Variants in RSPH3 observed in about 807,000 individuals in gnomAD.
RSPH3 encodes radial spoke head protein 3 homolog.
In RSPH3, 21 loss-of-function variants were observed where a neutral mutation model predicts 43.8. The ratio of observed to expected loss-of-function variants is 0.48; its 90% CI spans 0.34 to 0.69. RSPH3 has a LOEUF of 0.69. Ranked by LOEUF, RSPH3 falls within the 30% of genes least tolerant of loss-of-function variation. RSPH3 has a pLI of 0.01. For synonymous variants in RSPH3, 173 were observed against 179.8 expected (o/e 0.96, Z 0.30); for missense variants, 487 against 516.0 (o/e 0.94, Z 0.54).
rs1272197830 is a variant in RSPH3, at chr6:158,976,323, C to G, written c.*1215G>C. On this transcript the variant is annotated 3_prime_UTR_variant, in exon 8 of 8. Transcript: ENST00000367069. Reference sequence around the variant, plus strand: ...GATTTTAATACTGCAGGTAAATTCTCTAACACATTCAGATTAAAAAGTCAA... The same window carrying G: ...GATTTTAATACTGCAGGTAAATTCTGTAACACATTCAGATTAAAAAGTCAA... 6.6e-6 allele frequency: 1 copy of G among 152,208 alleles called. No individual in the cohort carries two copies. Among genetic ancestry groups the G allele is most frequent in the Non-Finnish European group, 1.5e-5 (1 of 68,034 alleles). 9.4% of individuals were successfully genotyped at this position (152,208 alleles called of 1,614,324 possible). A position where few individuals can be genotyped will look rare whatever the true frequency, so the allele number is the denominator to read the frequency against.
rs1297607097 is a variant in RSPH3 at position 158,974,440 on chromosome 6, G to A, written c.*3098C>T. The A allele has an allele frequency of 1.3e-5, 2 of 152,150 alleles. No individual in the cohort carries two copies. Among genetic ancestry groups the A allele is most frequent in the Non-Finnish European group, 2.9e-5 (2 of 68,018 alleles). The allele number at this position is 152,150 out of a possible 1,614,324, so 9.4% of individuals were successfully genotyped here. Reference sequence around the variant, plus strand: ...TGTTCCCAAACCATTTGCAAAAGTTGCTTACAGTTATGAAAAGTCTTCTAG... The same window carrying A: ...TGTTCCCAAACCATTTGCAAAAGTTACTTACAGTTATGAAAAGTCTTCTAG... On this transcript the variant is annotated 3_prime_UTR_variant, in exon 8 of 8. Transcript: ENST00000367069.
At chr6:158,994,263 G>T (rs77724190) in intron 1 of RSPH3, among the ~76,000 whole-genome samples, 2,710 of 152,238 alleles carry the variant, frequency 0.018, 35 homozygotes, top group Middle Eastern at 0.024. Context: ...AAATCTGTAT[G>T]ACTTTAGGAA....
In RSPH3 at chr6:158,993,395, C is replaced by T. The variant is rs151094029; in HGVS notation, c.204+444G>A. 5.9e-3 allele frequency among the ~76,000 whole-genome samples: 871 copies of T among 147,736 alleles called. 6 individuals are homozygous for T. Among genetic ancestry groups the T allele is most frequent in the Middle Eastern group, 0.025 (7 of 276 alleles). ...CCTCCCAAAGTGCTGGGATTACAGG[C>T]GTGAGCCACCGCGCCCGGCCAACTG... On this transcript the variant is annotated intron_variant, in intron 2 of 7. Coordinates refer to ENST00000367069, the MANE Select transcript of RSPH3 (RefSeq NM_031924.8).
chr6:158,969,730 A>G (rs924686753), downstream of RSPH3, among the ~76,000 whole-genome samples: 1 of 152,148 alleles, frequency 6.6e-6, no homozygotes, highest in East Asian at 1.9e-4. Flanking sequence ...GATTATCTCA[A>G]TGGACTTAAC....
chr6:158,967,144 G>C, the RSPH3 span, among the ~76,000 whole-genome samples: 1 of 151,762 alleles, frequency 6.6e-6, no homozygotes, highest in Non-Finnish European at 1.5e-5. Context: ...TCAAGTAGTT[G>C]GTACTACATG....
chr6:158,991,591 T>C (rs1778407399), intron 2 of RSPH3, among the ~76,000 whole-genome samples: 1 of 152,178 alleles, frequency 6.6e-6, no homozygotes. Flanking sequence ...GGACTGCAAT[T>C]CAGCTACCCC....
At chr6:158,965,217 G>A in the RSPH3 span, among the ~76,000 whole-genome samples, 1 of 152,106 alleles carries the variant, frequency 6.6e-6, no homozygotes, top group African/African-American at 2.4e-5. Context: ...GTTGGGAAGT[G>A]TGAGTCCTAT....
At chr6:158,990,513 C>A (rs1778370947) in intron 2 of RSPH3, 1 of 152,128 alleles carries the variant, frequency 6.6e-6, no homozygotes, top group African/African-American at 2.4e-5. Context: ...AGAATTAGAG[C>A]TTGATAGTTC....
chr6:158,965,708 A>G, the RSPH3 span, among the ~76,000 whole-genome samples: 1 of 152,102 alleles, frequency 6.6e-6, no homozygotes, highest in African/African-American at 2.4e-5. Flanking sequence ...TTCTGCAACT[A>G]AAGATATTTT....
intron 3 of RSPH3, 63 bp from the exon 4 acceptor site, chr6:158,983,870 A>G (rs1778121015): frequency 8.3e-7 from 1 of 1,205,208 alleles, no homozygotes; most frequent in South Asian, 1.2e-5. Context: ...ATGGTAGTTC[A>G]TGCCCATAAT....
chr6:158,986,724 T>C (rs528574913), intron 2 of RSPH3, among the ~76,000 whole-genome samples: 1 of 152,378 alleles, frequency 6.6e-6, no homozygotes, highest in African/African-American at 2.4e-5. Context: ...GACCTGCTGA[T>C]CATTCAGGAA....
chr6:158,982,620 A>G lies in RSPH3; in HGVS notation c.561T>C (p.Ser187=). 1 of 1,614,048 alleles carries G rather than the reference A, an allele frequency of 6.2e-7. No individual in the cohort carries two copies. The highest frequency in any genetic ancestry group is 1.6e-4 in the Middle Eastern group (1 of 6,062). ...EVLVGKTIEQ[S]LLEVMEEEEL... The stretch of plus-strand genomic sequence containing the variant: ...CTTCTTCTTCCATTACTTCCAGAAG[A>G]GACTGCTCAATTGTCTTCCCCACCA... Residue 187 remains serine (S), a synonymous_variant, in exon 5 of 8, where the codon TCT becomes TCC. Coordinates refer to ENST00000367069, the MANE Select transcript of RSPH3 (RefSeq NM_031924.8).
rs1209626809 is a variant in RSPH3 at position 158,999,961 on chromosome 6, C to T, written c.-411G>A. 16 of 1,597,440 alleles carry T rather than the reference C, an allele frequency of 1.0e-5. No individual in the cohort carries two copies. The highest frequency in any genetic ancestry group is 1.4e-5 in the Non-Finnish European group (16 of 1,171,396). On this transcript the variant is annotated 5_prime_UTR_variant, in exon 1 of 8. Transcript: ENST00000367069. ...TTCCTGGCTAGGGAGGCGGCCTTGG[C>T]TGGCTTGACCGTCATCCTTGAGGCC...
At chr6:158,986,128 T>G in intron 3 of RSPH3, 152 bp downstream of exon 3, 1 of 776,078 alleles carries the variant, frequency 1.3e-6, no homozygotes, top group Non-Finnish European at 2.1e-6. Context: ...GTCTATGTAT[T>G]TCTTTAATAA....
chr6:158,999,559 G>C lies in RSPH3; in HGVS notation c.-9C>G. 6.2e-7 allele frequency: 1 copy of C among 1,606,568 alleles called. No individual in the cohort carries two copies. Among genetic ancestry groups the C allele is most frequent in the Non-Finnish European group, 8.5e-7 (1 of 1,174,716 alleles). On this transcript the variant is annotated 5_prime_UTR_variant, in exon 1 of 8. Transcript: ENST00000367069. ...GTCAGCGCTGAGGCCATGTCCGGGG[G>C]CTGACTGCCTCGCTTTCGGTGGAGC...
chr6:158,980,992 A>G (rs1271640285), intron 5 of RSPH3, 56 bp from the exon 6 acceptor site: 1 of 1,564,196 alleles, frequency 6.4e-7, no homozygotes, highest in Non-Finnish European at 8.8e-7. Context: ...CAAGTGCTGA[A>G]TCTAGTGAAG....
At position 159,000,179 on chromosome 6, in the gene RSPH3, C is replaced by T. The variant is rs1778825908; in HGVS notation, c.-629G>A. On this transcript the variant is annotated 5_prime_UTR_variant, in exon 1 of 8. Coordinates refer to ENST00000367069, the MANE Select transcript of RSPH3 (RefSeq NM_031924.8). ...GCCCCTGGCAGCCAGGCTCCCAGCT[C>T]TGTTACGTGCCCGGGCGGGGAAGAG... 3.6e-6 allele frequency: 2 copies of T among 559,712 alleles called. No homozygotes were observed. The highest frequency in any genetic ancestry group is 3.2e-5 in the East Asian group (1 of 31,048). 34.7% of individuals were successfully genotyped at this position (559,712 alleles called of 1,614,324 possible).
chr6:158,969,323 A>C (rs1280386463), downstream of RSPH3, among the ~76,000 whole-genome samples: 1 of 152,226 alleles, frequency 6.6e-6, no homozygotes, highest in Non-Finnish European at 1.5e-5. Flanking sequence ...AGCACTTTGA[A>C]TATATGATCC....
the RSPH3 span, among the ~76,000 whole-genome samples, chr6:158,966,991 A>C: frequency 2.0e-5 from 3 of 150,224 alleles, no homozygotes; most frequent in African/African-American, 7.3e-5. Flanking sequence ...CTTTAGATGC[A>C]TCCATAAGTT....
Sources: gnomAD v4.1 joint callset for allele counts (sites outside exome capture counted in the v4.1 genomes callset) on GRCh38, gnomAD v4.1.1 for gene constraint, MANE v1.5 for transcripts, NCBI Gene and HGNC (gene_info 2026-07-23, HGNC 2026-07-21) for gene names.